The following ZNF611 variants were observed in gnomAD, a reference collection of about 807,000 sequenced individuals.
ZNF611 encodes the protein zinc finger protein 611.
ZNF611 carries 6 observed loss-of-function variants against 8.9 expected under a neutral mutation model. The ratio of observed to expected loss-of-function variants is 0.68; its 90% CI spans 0.37 to 1.34. The LOEUF is 1.34. Ranked by LOEUF, ZNF611 falls within the 40% of genes most tolerant of loss-of-function variation. The pLI, the probability that ZNF611 is intolerant of heterozygous loss-of-function variation, is 0.02. For synonymous variants in ZNF611, 262 were observed against 279.7 expected, an observed-to-expected ratio of 0.94 and a Z score of 0.63; for missense variants, 874 against 841.3, an observed-to-expected ratio of 1.04 and a Z score of -0.48.
intron 3 of ZNF611, among the ~76,000 whole-genome samples, chr19:52,718,547 C>A (rs2062333299): frequency 6.6e-6 from 1 of 152,008 alleles, no homozygotes; most frequent in Admixed American, 6.6e-5. Context: ...GCCTGTAATC[C>A]CAGCACCTTG....
chr19:52,714,028 G>C lies in ZNF611; in HGVS notation c.177C>G (p.Asn59Lys), dbSNP rs146779808. 28 of 1,614,042 alleles carry C rather than the reference G, an allele frequency of 1.7e-5. No individual in the cohort carries two copies. Among genetic ancestry groups the C allele is most frequent in the Non-Finnish European group, 2.3e-5 (27 of 1,180,008 alleles). ...CATTTTCCTCACCCACAGCCTCCAGGTTCCTGTAGTTCTCCAACATCACTT... is the reference window on the plus strand; with the variant it reads ...CATTTTCCTCACCCACAGCCTCCAGCTTCCTGTAGTTCTCCAACATCACTT... Reference protein sequence around the residue: ...YREVMLENYRNLEAVDISSKC... With the variant: ...YREVMLENYRKLEAVDISSKC... The change falls in exon 5 of 6, where the codon AAC becomes AAG. Residue 59 changes from asparagine to lysine, a missense_variant. By Grantham distance (94) the Asn-to-Lys change is moderately conservative. Transcript: ENST00000652185.
At chr19:52,713,966 A>C (rs750484850) in intron 5 of ZNF611, 49 bp downstream of exon 5, 1 of 1,608,350 alleles carries the variant, frequency 6.2e-7, no homozygotes, top group Non-Finnish European at 8.5e-7. Context: ...AGGATGAGCC[A>C]AGATAGACAA....
rs933687099 is a variant in ZNF611 at position 52,706,862 on chromosome 19, T to G, written c.193A>C (p.Ile65Leu). The G allele has an allele frequency of 6.2e-7, 1 of 1,608,170 alleles. No homozygotes were observed. ...TCCTTCATCATGCATTTGGAAGAGA[T>G]ATCTACAAAATATAAACACCAATAC... ...ENYRNLEAVDISSKCMMKEVL... is the reference protein window; with the variant it reads ...ENYRNLEAVDLSSKCMMKEVL... The change falls in exon 6 of 6, where the codon ATC (isoleucine) becomes CTC (leucine). Residue 65 changes from isoleucine (I) to leucine (L), a missense_variant and splice_region_variant. Ile to Leu is a conservative substitution (Grantham distance 5). Transcript: ENST00000652185.
At position 52,706,841 on chromosome 19, in the gene ZNF611, T is replaced by G. The variant is rs151131277; in HGVS notation, c.214A>C (p.Lys72Gln). ...CCTTGCCCTGTTGACAAGACCTCCT[T>G]CATCATGCATTTGGAAGAGATATCT... ...AVDISSKCMM[K>Q]EVLSTGQGNT... Residue 72 changes from lysine to glutamine, a missense_variant, in exon 6 of 6, where the codon AAG becomes CAG. Transcript: ENST00000652185. 1.1e-5 allele frequency: 18 copies of G among 1,609,442 alleles called. No homozygotes were observed. Among genetic ancestry groups the G allele is most frequent in the Non-Finnish European group, 1.5e-5 (18 of 1,178,588 alleles).
intron 3 of ZNF611, chr19:52,723,831 C>T (rs1234581831): frequency 1.3e-5 from 2 of 152,174 alleles, no homozygotes; most frequent in Non-Finnish European, 2.9e-5. Context: ...GTAAGCAAAG[C>T]TCTCTGTGTC....
intron 1 of ZNF611, among the ~76,000 whole-genome samples, chr19:52,733,539 C>T (rs1381209763): frequency 8.7e-6 from 1 of 115,106 alleles, no homozygotes; most frequent in Non-Finnish European, 1.9e-5. Context: ...TGGACTCAAG[C>T]AATCCCCTTG....
chr19:52,718,219 C>T (rs1404681314), intron 3 of ZNF611, among the ~76,000 whole-genome samples: 5 of 152,060 alleles, frequency 3.3e-5, no homozygotes, highest in Non-Finnish European at 7.4e-5. Flanking sequence ...GCACACCTGT[C>T]GCCCCAGCTA....
intron 3 of ZNF611, chr19:52,721,006 C>T (rs59309179): frequency 0.01 from 1,465 of 142,030 alleles, 10 homozygotes; most frequent in Middle Eastern, 0.022. Flanking sequence ...ACTTCCCAGA[C>T]GGGGCGGCCA....
At chr19:52,723,250 A>G (rs533364050) in intron 3 of ZNF611, among the ~76,000 whole-genome samples, 1 of 131,776 alleles carries the variant, frequency 7.6e-6, no homozygotes, top group South Asian at 2.4e-4. Flanking sequence ...CAACTTATTT[A>G]ACCTTTTTTT....
intron 3 of ZNF611, chr19:52,717,564 G>C (rs2062326205): frequency 4.8e-6 from 2 of 420,638 alleles, no homozygotes. Flanking sequence ...TGCACACACA[G>C]CAATAGGTGT....
chr19:52,726,794 C>A (rs1004236157), intron 3 of ZNF611, among the ~76,000 whole-genome samples: 4 of 147,998 alleles, frequency 2.7e-5, no homozygotes, highest in East Asian at 4.0e-4. Context: ...TTATTCTTTT[C>A]AATGTGGATA....
chr19:52,734,411 CAAG>C (rs2062444375), intron 1 of ZNF611, among the ~76,000 whole-genome samples: 1 of 152,130 alleles, frequency 6.6e-6, no homozygotes, highest in South Asian at 2.1e-4. Flanking sequence ...GCTCCGCAGG[CAAG>C]AATACCCCGT....
chr19:52,704,614 T>A lies in ZNF611; in HGVS notation c.*323A>T. On this transcript the variant is annotated 3_prime_UTR_variant, in exon 6 of 6. Coordinates refer to ENST00000652185, the MANE Select transcript of ZNF611 (RefSeq NM_001161499.2). ...ACATTTATTACACTTGTAAGATCTCTCTTCATTATGGATTCTCCAATGATT... is the reference window on the plus strand; with the variant it reads ...ACATTTATTACACTTGTAAGATCTCACTTCATTATGGATTCTCCAATGATT... 2 of 1,581,940 alleles carry A rather than the reference T, an allele frequency of 1.3e-6. No individual in the cohort carries two copies. The highest frequency in any genetic ancestry group is 4.5e-5 in the East Asian group (2 of 44,720).
rs775283022 is a variant in ZNF611, at chr19:52,706,721, C to T, written c.334G>A (p.Asp112Asn). Residue 112 changes from aspartate to asparagine, a missense_variant, in exon 6 of 6, where the codon GAC becomes AAC. Transcript: ENST00000652185. ...TCTTCTTGACACTGAAACTCAATGT[C>T]ATGAATTTCTTTCTCAATTTCCTGG... The part of the protein sequence containing the change: ...CFQEIEKEIH[D>N]IEFQCQEDER... The T allele has an allele frequency of 9.9e-6, 16 of 1,613,978 alleles. No individual in the cohort carries two copies. The highest frequency in any genetic ancestry group is 4.0e-5 in the African/African-American group (3 of 74,902).
At position 52,730,450 on chromosome 19, in the gene ZNF611, A is replaced by T. The variant is rs186504070; in HGVS notation, c.-221-445T>A. ...CATGATGTAGGCTCCTTGGTCTGAA[A>T]GATTATATTGGCCAAAAGCGATGTT... On this transcript the variant is annotated intron_variant, in intron 1 of 5. Coordinates refer to ENST00000652185, the MANE Select transcript of ZNF611 (RefSeq NM_001161499.2). 1.3e-3 allele frequency among the ~76,000 whole-genome samples: 194 copies of T among 150,028 alleles called. 1 individual carries two copies. The highest frequency in any genetic ancestry group is 4.5e-3 in the African/African-American group (184 of 40,920).
In ZNF611 at chr19:52,735,027, C is replaced by A; in HGVS notation, c.-248G>T. On this transcript the variant is annotated 5_prime_UTR_variant, in exon 1 of 6. Coordinates refer to ENST00000652185, the MANE Select transcript of ZNF611 (RefSeq NM_001161499.2). ...GCGGCGATATGACCTACACTCCACC[C>A]GATCCGCTTCCGGGTTTGCGTTAAT... The A allele has an allele frequency of 6.5e-6, 1 of 153,642 alleles. No individual in the cohort carries two copies. Among genetic ancestry groups the A allele is most frequent in the South Asian group, 1.9e-4 (1 of 5,296 alleles). 9.5% of individuals were successfully genotyped at this position (153,642 alleles called of 1,614,324 possible).
At chr19:52,731,659 G>A (rs576325723) in intron 1 of ZNF611, among the ~76,000 whole-genome samples, 2 of 152,094 alleles carry the variant, frequency 1.3e-5, no homozygotes, top group East Asian at 3.9e-4. Context: ...GAGCCACCGT[G>A]CCCTGATGTC....
In ZNF611 at chr19:52,705,059, A is replaced by C. The variant is rs750115435; in HGVS notation, c.1996T>G (p.Ser666Ala). The change falls in exon 6 of 6, where the codon TCA (serine) becomes GCA (alanine). Residue 666 changes from serine (S) to alanine (A), a missense_variant. By Grantham distance (99) the Ser-to-Ala change is moderately conservative. Coordinates refer to ENST00000652185, the MANE Select transcript of ZNF611 (RefSeq NM_001161499.2). Reference sequence around the variant, plus strand: ...GCAGTGTGAATTCTGGTATGTCTTGACAGGAGTGAATTACGCACGAAAGCC... The same window carrying C: ...GCAGTGTGAATTCTGGTATGTCTTGCCAGGAGTGAATTACGCACGAAAGCC... ...DKAFVRNSLL[S>A]RHTRIHTAEK... 2.5e-6 allele frequency: 4 copies of C among 1,613,962 alleles called. No homozygotes were observed. Among genetic ancestry groups the C allele is most frequent in the Admixed American group, 1.7e-5 (1 of 59,996 alleles).
chr19:52,722,941 A>T (rs2062369319), intron 3 of ZNF611, among the ~76,000 whole-genome samples: 1 of 143,458 alleles, frequency 7.0e-6, no homozygotes, highest in Admixed American at 7.0e-5. Context: ...GATGGGGGCA[A>T]TGACTATTTT....
Sources: gnomAD v4.1 joint callset for allele counts (sites outside exome capture counted in the v4.1 genomes callset) on GRCh38, gnomAD v4.1.1 for gene constraint, MANE v1.5 for transcripts, NCBI Gene and HGNC (gene_info 2026-07-23, HGNC 2026-07-21) for gene names.